The following KIAA1217 variants were observed in gnomAD, a reference collection of about 807,000 sequenced individuals.
The protein encoded by KIAA1217 is sickle tail protein homolog.
In KIAA1217, 88 loss-of-function variants were observed where a neutral mutation model predicts 163.9. The ratio of observed to expected loss-of-function variants is 0.54; its 90% confidence interval spans 0.45 to 0.64. The LOEUF (loss-of-function observed/expected upper bound fraction) is 0.64, where lower values mean the gene tolerates loss of function less well. KIAA1217 is among the 30% of genes least tolerant of loss of function. The pLI, the probability that KIAA1217 is intolerant of heterozygous loss-of-function variation, is 0.00. For synonymous variants in KIAA1217, 903 were observed against 923.1 expected, an observed-to-expected ratio of 0.98 and a Z score of 0.39; for missense variants, 2,372 against 2,475.0, an observed-to-expected ratio of 0.96 and a Z score of 0.88.
intron 1 of KIAA1217, among the ~76,000 whole-genome samples, chr10:23,805,003 C>T (rs1301968393): frequency 6.6e-6 from 1 of 152,076 alleles, no homozygotes; most frequent in Non-Finnish European, 1.5e-5. Flanking sequence ...AAAAGAATAA[C>T]AGATGCTGAT....
intron 10 of KIAA1217, among the ~76,000 whole-genome samples, chr10:24,513,708 C>T (rs1314908734): frequency 1.3e-5 from 2 of 151,314 alleles, no homozygotes; most frequent in Non-Finnish European, 2.9e-5. Context: ...CCCAGTTACT[C>T]ATGAGGCTGA....
intron 3 of KIAA1217, among the ~76,000 whole-genome samples, chr10:24,421,313 G>T (rs2058717040): frequency 6.6e-6 from 1 of 152,026 alleles, no homozygotes; most frequent in Admixed American, 6.6e-5. Flanking sequence ...GCTGTAAGTG[G>T]TATATTTTTA....
intron 1 of KIAA1217, among the ~76,000 whole-genome samples, chr10:23,861,890 C>T (rs1208062588): frequency 6.6e-6 from 1 of 152,124 alleles, no homozygotes; most frequent in Non-Finnish European, 1.5e-5. Flanking sequence ...ATTGAGCCAC[C>T]AGGACTTCTG....
chr10:24,498,468 A>C (rs2067099103), intron 8 of KIAA1217, among the ~76,000 whole-genome samples: 1 of 152,142 alleles, frequency 6.6e-6, no homozygotes, highest in African/African-American at 2.4e-5. Flanking sequence ...CATGTACCAA[A>C]TATAGGAGAT....
chr10:24,359,009 A>G (rs935835649), intron 2 of KIAA1217, among the ~76,000 whole-genome samples: 1 of 151,120 alleles, frequency 6.6e-6, no homozygotes, highest in Non-Finnish European at 1.5e-5. Flanking sequence ...CAGTCGTCCT[A>G]TAGTTAGCCA....
At chr10:24,081,329 A>G (rs2061531129) in intron 2 of KIAA1217, among the ~76,000 whole-genome samples, 1 of 152,162 alleles carries the variant, frequency 6.6e-6, no homozygotes, top group Non-Finnish European at 1.5e-5. Context: ...ATGTCTCATC[A>G]GGACACCCGA....
intron 3 of KIAA1217, among the ~76,000 whole-genome samples, chr10:24,396,605 G>A (rs536463661): frequency 6.6e-6 from 1 of 152,260 alleles, no homozygotes; most frequent in East Asian, 1.9e-4. Context: ...GGCAGCCTTC[G>A]AGCCATGACC....
rs1318917305 is a variant in KIAA1217 at position 24,546,294 on chromosome 10, C to T, written c.5802C>T (p.Ala1934=). The T allele has an allele frequency of 6.2e-7, 1 of 1,607,278 alleles. No individual in the cohort carries two copies. Among genetic ancestry groups the T allele is most frequent in the Admixed American group, 1.7e-5 (1 of 58,840 alleles). ...CACAGAATGGAAGTTCAAGCAAAGC[C>T]ACCCCATCCACAGCAAAAGAAACCT... ...YKAQNGSSSK[A]TPSTAKETS is the part of the protein sequence containing the mutation. The change falls in exon 21 of 21, where the codon GCC becomes GCT. Residue 1934 remains alanine, a synonymous_variant. Coordinates refer to ENST00000376454, the MANE Select transcript of KIAA1217 (RefSeq NM_019590.5).
At chr10:24,480,398 T>A (rs2133279073) in intron 6 of KIAA1217, among the ~76,000 whole-genome samples, 1 of 152,340 alleles carries the variant, frequency 6.6e-6, no homozygotes, top group Admixed American at 6.5e-5. Flanking sequence ...GGTCAGTCAA[T>A]CTGCTCATCA....
chr10:24,516,879 G>T (rs1420946268), intron 10 of KIAA1217, among the ~76,000 whole-genome samples: 1 of 152,100 alleles, frequency 6.6e-6, no homozygotes, highest in East Asian at 1.9e-4. Context: ...TATCCTTTTG[G>T]CTGGGTGCAG....
At chr10:24,387,239 G>A (rs1591514619) in intron 3 of KIAA1217, among the ~76,000 whole-genome samples, 1 of 152,194 alleles carries the variant, frequency 6.6e-6, no homozygotes, top group South Asian at 2.1e-4. Flanking sequence ...GGGATGCAAG[G>A]CTGGTTCAAC....
At chr10:24,071,716 G>A (rs1431779484) in intron 2 of KIAA1217, among the ~76,000 whole-genome samples, 7 of 152,118 alleles carry the variant, frequency 4.6e-5, no homozygotes, top group Admixed American at 1.3e-4. Context: ...AATGCCATCA[G>A]TTACCAGATG....
chr10:23,872,467 C>T (rs1352971275), intron 1 of KIAA1217, among the ~76,000 whole-genome samples: 1 of 152,104 alleles, frequency 6.6e-6, no homozygotes, highest in Non-Finnish European at 1.5e-5. Context: ...CCCCCTGCCT[C>T]TGCCTGCTGC....
chr10:23,830,643 C>G (rs188231706), intron 1 of KIAA1217, among the ~76,000 whole-genome samples: 5 of 150,752 alleles, frequency 3.3e-5, no homozygotes, highest in Non-Finnish European at 5.9e-5. Flanking sequence ...AGATGATAGA[C>G]GATTGATAGA....
chr10:23,958,726 C>A (rs1459106936), intron 1 of KIAA1217, among the ~76,000 whole-genome samples: 1 of 151,990 alleles, frequency 6.6e-6, no homozygotes, highest in Admixed American at 6.6e-5. Context: ...AAAAACTTAA[C>A]CCGAGCGAGT....
chr10:23,990,958 G>T (rs1330437158), intron 1 of KIAA1217, among the ~76,000 whole-genome samples: 1 of 152,198 alleles, frequency 6.6e-6, no homozygotes, highest in Non-Finnish European at 1.5e-5. Context: ...CGAGGGAATT[G>T]CAGGCAAGTG....
intron 1 of KIAA1217, among the ~76,000 whole-genome samples, chr10:23,717,679 A>G (rs1837655465): frequency 6.6e-6 from 1 of 152,202 alleles, no homozygotes; most frequent in Admixed American, 6.6e-5. Flanking sequence ...GACAGTAGAA[A>G]TAGGGATAAG....
intron 2 of KIAA1217, among the ~76,000 whole-genome samples, chr10:24,053,665 T>C (rs1589314438): frequency 6.6e-6 from 1 of 152,292 alleles, no homozygotes; most frequent in East Asian, 1.9e-4. Flanking sequence ...TATTTAACCA[T>C]CTCCTATGTG....
chr10:24,175,921 G>A (rs975552438), intron 2 of KIAA1217, among the ~76,000 whole-genome samples: 1 of 152,194 alleles, frequency 6.6e-6, no homozygotes, highest in Non-Finnish European at 1.5e-5. Context: ...CATAAAGGCA[G>A]TGCGGACCCA....
Sources: allele counts gnomAD v4.1 joint callset (sites outside exome capture counted in the v4.1 genomes callset), GRCh38; gene constraint gnomAD v4.1.1; transcripts MANE v1.5; gene names NCBI Gene and HGNC (gene_info 2026-07-23, HGNC 2026-07-21).